The following RPS6KA5 variants were observed in gnomAD, a reference collection of about 807,000 sequenced individuals.
RPS6KA5 encodes the protein ribosomal protein S6 kinase A5.
A neutral mutation model predicts 85.5 loss-of-function variants in RPS6KA5; 27 were observed. The ratio of observed to expected loss-of-function variants is 0.32; its 90% CI spans 0.23 to 0.44. The LOEUF is 0.44. Ranked by LOEUF, RPS6KA5 falls within the 20% of genes least tolerant of loss-of-function variation. The pLI, the probability that RPS6KA5 is intolerant of heterozygous loss-of-function variation, is 1.00. For synonymous variants in RPS6KA5, 334 were observed against 348.2 expected, an observed-to-expected ratio of 0.96 and a Z score of 0.46; for missense variants, 811 against 980.9, an observed-to-expected ratio of 0.83 and a Z score of 2.31.
intron 1 of RPS6KA5, chr14:91,052,199 G>C (rs2043108847): frequency 3.2e-6 from 1 of 307,936 alleles, no homozygotes; most frequent in Non-Finnish European, 6.1e-6. Context: ...TGTAATCCCA[G>C]CACTTTGGGA....
In RPS6KA5 at chr14:90,856,885, C is replaced by A; in HGVS notation, c.*15189G>T. The A allele has an allele frequency of 5.9e-6, 1 of 170,602 alleles. No homozygotes were observed. The highest frequency in any genetic ancestry group is 6.1e-5 in the Admixed American group (1 of 16,404). The allele number at this position is 170,602 out of a possible 1,614,324, so 10.6% of individuals were successfully genotyped here. A position where few individuals can be genotyped will look rare whatever the true frequency, so the allele number is the denominator to read the frequency against. On this transcript the variant is annotated 3_prime_UTR_variant, in exon 17 of 17. Transcript: ENST00000614987. Reference sequence around the variant, plus strand: ...TTCTGTCTCTATGGATTTGCCCATTCTGGACATTTCATGTAAGTGGAATCA... The same window carrying A: ...TTCTGTCTCTATGGATTTGCCCATTATGGACATTTCATGTAAGTGGAATCA...
At chr14:91,019,409 C>A (rs2041646732) in intron 1 of RPS6KA5, among the ~76,000 whole-genome samples, 1 of 152,170 alleles carries the variant, frequency 6.6e-6, no homozygotes, top group African/African-American at 2.4e-5. Flanking sequence ...AAGAATTCTT[C>A]AGCACAGTCT....
intron 1 of RPS6KA5, among the ~76,000 whole-genome samples, chr14:91,012,023 C>T (rs1279100624): frequency 6.6e-6 from 1 of 152,178 alleles, no homozygotes; most frequent in Non-Finnish European, 1.5e-5. Flanking sequence ...AAATGATCTA[C>T]AGAACATCAA....
At chr14:91,021,767 T>A (rs1489360832) in intron 1 of RPS6KA5, among the ~76,000 whole-genome samples, 1 of 152,204 alleles carries the variant, frequency 6.6e-6, no homozygotes, top group African/African-American at 2.4e-5. Flanking sequence ...CTGGAAGCAC[T>A]TTCAAAAGCC....
chr14:90,940,467 G>A (rs2037509877), intron 5 of RPS6KA5, among the ~76,000 whole-genome samples: 1 of 152,100 alleles, frequency 6.6e-6, no homozygotes, highest in South Asian at 2.1e-4. Flanking sequence ...TCTGACTAAT[G>A]CTTATTACTG....
Position 90,860,145 on chromosome 14 carries a change from A to G in RPS6KA5, c.*11929T>C, listed in dbSNP as rs558446755. 2.6e-5 allele frequency: 4 copies of G among 152,378 alleles called. No homozygotes were observed. In the South Asian group the frequency reaches 8.3e-4, roughly 32 times the overall value. 9.4% of individuals were successfully genotyped at this position (152,378 alleles called of 1,614,324 possible). On this transcript the variant is annotated 3_prime_UTR_variant, in exon 17 of 17. Coordinates refer to ENST00000614987, the MANE Select transcript of RPS6KA5 (RefSeq NM_004755.4). Reference sequence around the variant, plus strand: ...AAACAAAGACGAAGAGAAAATCTTAAAAGTGACCACAGAAAAAAGACACAT... The same window carrying G: ...AAACAAAGACGAAGAGAAAATCTTAGAAGTGACCACAGAAAAAAGACACAT...
chr14:91,059,156 G>GCCCCCC (rs369103491), intron 1 of RPS6KA5, among the ~76,000 whole-genome samples: 6 of 132,262 alleles, frequency 4.5e-5, no homozygotes, highest in South Asian at 5.7e-4. Context: ...GGAGAGGACC[G>GCCCCCC]CCCCCCCCAC....
In RPS6KA5 at chr14:90,855,010, G is replaced by A. The variant is rs1259847881; in HGVS notation, c.*17064C>T. On this transcript the variant is annotated 3_prime_UTR_variant, in exon 17 of 17. Transcript: ENST00000614987. ...ATTTTGAAGTTTTAAAAGTCTAATCGATTTTTTTCAATACATTTCATCTCT... is the reference window on the plus strand; with the variant it reads ...ATTTTGAAGTTTTAAAAGTCTAATCAATTTTTTTCAATACATTTCATCTCT... 6.6e-6 allele frequency: 1 copy of A among 151,982 alleles called. No homozygotes were observed. Among genetic ancestry groups the A allele is most frequent in the African/African-American group, 2.4e-5 (1 of 41,366 alleles). The allele number at this position is 151,982 out of a possible 1,614,324, so 9.4% of individuals were successfully genotyped here. A position where few individuals can be genotyped will look rare whatever the true frequency, so the allele number is the denominator to read the frequency against.
Position 90,868,294 on chromosome 14 carries a change from G to C in RPS6KA5, c.*3780C>G, listed in dbSNP as rs2032890953. 1 of 151,916 alleles carries C rather than the reference G, an allele frequency of 6.6e-6. No homozygotes were observed. Among genetic ancestry groups the C allele is most frequent in the Non-Finnish European group, 1.5e-5 (1 of 67,982 alleles). The allele number at this position is 151,916 out of a possible 1,614,324, so 9.4% of individuals were successfully genotyped here. A position where few individuals can be genotyped will look rare whatever the true frequency, so the allele number is the denominator to read the frequency against. ...TATCCAAACTTCAAATTTCATTAGAGCCGGCTACATTTGTTTTAGTGCCAG... is the reference window on the plus strand; with the variant it reads ...TATCCAAACTTCAAATTTCATTAGACCCGGCTACATTTGTTTTAGTGCCAG... On this transcript the variant is annotated 3_prime_UTR_variant, in exon 17 of 17. Transcript: ENST00000614987.
intron 13 of RPS6KA5, among the ~76,000 whole-genome samples, chr14:90,891,003 T>C (rs2034520337): frequency 6.6e-6 from 1 of 152,092 alleles, no homozygotes; most frequent in South Asian, 2.1e-4. Context: ...ACTCCTCATT[T>C]AGAGATACTA....
In RPS6KA5 at chr14:90,861,581, A is replaced by G. The variant is rs118148882; in HGVS notation, c.*10493T>C. 1,456 of 152,016 alleles carry G rather than the reference A, an allele frequency of 9.6e-3. 23 individuals carry two copies. The highest frequency in any genetic ancestry group is 0.012 in the Non-Finnish European group (793 of 67,980). The allele number at this position is 152,016 out of a possible 1,614,324, so 9.4% of individuals were successfully genotyped here. On this transcript the variant is annotated 3_prime_UTR_variant, in exon 17 of 17. Coordinates refer to ENST00000614987, the MANE Select transcript of RPS6KA5 (RefSeq NM_004755.4). ...ACACATATATAGAGATAAAACATAC[A>G]TAGAATGTAGAAGTAAAATACATGA...
At chr14:90,970,595 G>A (rs2039273638) in intron 3 of RPS6KA5, among the ~76,000 whole-genome samples, 1 of 152,168 alleles carries the variant, frequency 6.6e-6, no homozygotes, top group Non-Finnish European at 1.5e-5. Flanking sequence ...ATCAGCTGGT[G>A]TTTCAACAAA....
In RPS6KA5 at chr14:90,872,015, C is replaced by T. The variant is rs2033142804; in HGVS notation, c.*59G>A. 6.5e-7 allele frequency: 1 copy of T among 1,542,406 alleles called. No homozygotes were observed. Among genetic ancestry groups the T allele is most frequent in the East Asian group, 2.3e-5 (1 of 44,276 alleles). Reference sequence around the variant, plus strand: ...CATTTTTAAAAGCATAAAAGATCGCCTCAGGCATATGCTGAGGGAATAAAG... The same window carrying T: ...CATTTTTAAAAGCATAAAAGATCGCTTCAGGCATATGCTGAGGGAATAAAG... On this transcript the variant is annotated 3_prime_UTR_variant, in exon 17 of 17. Coordinates refer to ENST00000614987, the MANE Select transcript of RPS6KA5 (RefSeq NM_004755.4).
rs925505911 is a variant in RPS6KA5 at position 90,864,118 on chromosome 14, T to C, written c.*7956A>G. 3 of 152,218 alleles carry C rather than the reference T, an allele frequency of 2.0e-5. No individual in the cohort carries two copies. Among genetic ancestry groups the C allele is most frequent in the African/African-American group, 7.2e-5 (3 of 41,454 alleles). The allele number at this position is 152,218 out of a possible 1,614,324, so 9.4% of individuals were successfully genotyped here. On this transcript the variant is annotated 3_prime_UTR_variant, in exon 17 of 17. Transcript: ENST00000614987. ...AGCAGTAGATGGACTGTAAACCTAA[T>C]GTGGATGGTAAAACAATAAAGCTTT...
intron 5 of RPS6KA5, among the ~76,000 whole-genome samples, chr14:90,940,475 C>T (rs1176184978): frequency 6.6e-6 from 1 of 152,186 alleles, no homozygotes; most frequent in East Asian, 1.9e-4. Context: ...ATGCTTATTA[C>T]TGTATTAAGA....
chr14:91,010,569 A>G (rs1462441958), intron 1 of RPS6KA5, among the ~76,000 whole-genome samples: 1 of 152,242 alleles, frequency 6.6e-6, no homozygotes, highest in Non-Finnish European at 1.5e-5. Context: ...TCCAAGCCTC[A>G]GCATAAAAGT....
At position 90,863,254 on chromosome 14, in the gene RPS6KA5, G is replaced by A. The variant is rs2032645787; in HGVS notation, c.*8820C>T. 1 of 116,388 alleles carries A rather than the reference G, an allele frequency of 8.6e-6. No homozygotes were observed. Among genetic ancestry groups the A allele is most frequent in the East Asian group, 3.0e-4 (1 of 3,370 alleles). 7.2% of individuals were successfully genotyped at this position (116,388 alleles called of 1,614,324 possible). ...GGAGGTGGAGGTTGCAGTGAGCTGA[G>A]ATTGAGCCACTGCACTCCAGCCTGG... On this transcript the variant is annotated 3_prime_UTR_variant, in exon 17 of 17. Transcript: ENST00000614987.
intron 14 of RPS6KA5, among the ~76,000 whole-genome samples, chr14:90,878,298 G>A (rs1012746071): frequency 3.3e-5 from 5 of 152,186 alleles, no homozygotes; most frequent in African/African-American, 1.2e-4. Flanking sequence ...CTGTGGTCTT[G>A]ATTAAACAGA....
chr14:90,920,060 A>C, intron 7 of RPS6KA5, 146 bp downstream of exon 7: 1 of 687,316 alleles, frequency 1.5e-6, no homozygotes, highest in South Asian at 1.6e-5. Context: ...TCTATATGCC[A>C]TATGATAGAA....
Sources: allele counts gnomAD v4.1 joint callset (sites outside exome capture counted in the v4.1 genomes callset), GRCh38; gene constraint gnomAD v4.1.1; transcripts MANE v1.5; gene names NCBI Gene and HGNC (gene_info 2026-07-23, HGNC 2026-07-21).